SRF: variants seen among roughly 807,000 people sequenced by gnomAD.
SRF encodes serum response factor, also known as c-fos serum response element-binding transcription factor.
A neutral mutation model predicts 37.1 loss-of-function variants in SRF; 7 were observed. The ratio of observed to expected loss-of-function variants is 0.19; its 90% CI spans 0.11 to 0.35. The LOEUF (loss-of-function observed/expected upper bound fraction) is 0.35, where lower values mean the gene tolerates loss of function less well. Ranked by LOEUF, SRF falls within the 10% of genes least tolerant of loss-of-function variation. The pLI, the probability that SRF is intolerant of heterozygous loss-of-function variation, is 1.00. For missense variants in SRF, 395 were observed against 694.4 expected (o/e 0.57, Z 4.85); for synonymous variants, 285 against 310.1 (o/e 0.92, Z 0.85).
rs1322489000 is a variant in SRF at position 43,171,749 on chromosome 6, C to A, written c.93C>A (p.Gly31=). The change falls in exon 1 of 7, where the codon GGC becomes GGA. Residue 31 remains glycine, a synonymous_variant. Coordinates refer to ENST00000265354, the MANE Select transcript of SRF (RefSeq NM_003131.4). The surrounding 1 kb of genome is among the most constrained non-coding windows in gnomAD (Gnocchi z 6.5). ...SLNRTPTGRP[G]GGGGTRGANG... ...ACCGGACCCCGACGGGGCGGCCGGG[C>A]GGCGGCGGCGGGACACGCGGGGCTA... 24 of 1,185,916 alleles carry A rather than the reference C, an allele frequency of 2.0e-5. No individual in the cohort carries two copies. Among genetic ancestry groups the A allele is most frequent in the Admixed American group, 4.5e-5 (1 of 22,172 alleles). 73.5% of individuals were successfully genotyped at this position (1,185,916 alleles called of 1,614,324 possible). A position where few individuals can be genotyped will look rare whatever the true frequency, so the allele number is the denominator to read the frequency against.
rs1460033104 is a variant in SRF at position 43,172,050 on chromosome 6, A to G, written c.394A>G (p.Ser132Gly). The G allele has an allele frequency of 2.5e-6, 4 of 1,606,610 alleles. No individual in the cohort carries two copies. The highest frequency in any genetic ancestry group is 3.4e-6 in the Non-Finnish European group (4 of 1,177,326). Residue 132 changes from serine to glycine, a missense_variant, in exon 1 of 7, where the codon AGC (serine) becomes GGC (glycine). Physicochemically the swap from Ser to Gly is moderately conservative, Grantham distance 56 (BLOSUM62 0). Transcript: ENST00000265354. This position sits in a 1 kb window ranked among gnomAD's most constrained non-coding sequence, Gnocchi z 5.7. ...GGYGPVSGAV[S>G]GAKPGKKTRG... Reference sequence around the variant, plus strand: ...CTACGGGCCGGTGAGCGGCGCGGTGAGCGGGGCCAAGCCGGGTAAGAAGAC... The same window carrying G: ...CTACGGGCCGGTGAGCGGCGCGGTGGGCGGGGCCAAGCCGGGTAAGAAGAC...
At position 43,172,235 on chromosome 6, in the gene SRF, G is replaced by T; in HGVS notation, c.513+66G>T. ...GGGTGGGGATGTGCAAAGGGAGCCC[G>T]GGAGGACCGCAGAGCCGAGGCGGAG... On this transcript the variant is annotated intron_variant, in intron 1 of 6. Coordinates refer to ENST00000265354, the MANE Select transcript of SRF (RefSeq NM_003131.4). This position sits in a 1 kb window ranked among gnomAD's most constrained non-coding sequence, Gnocchi z 5.7. The T allele has an allele frequency of 6.4e-7, 1 of 1,557,662 alleles. No homozygotes were observed.
rs928527305 is a variant in SRF, at chr6:43,178,012, A to G, written c.1163-282A>G. On this transcript the variant is annotated intron_variant, in intron 4 of 6. Transcript: ENST00000265354. This position sits in a 1 kb window ranked among gnomAD's most constrained non-coding sequence, Gnocchi z 4.3. The stretch of plus-strand genomic sequence containing the variant: ...TATCTGAGTTTTCTGAGAGTAGGTC[A>G]GTCATAATCTTTGTTTTTCCCAAGA... 6.6e-6 allele frequency among the ~76,000 whole-genome samples: 1 copy of G among 152,156 alleles called. No homozygotes were observed. Among genetic ancestry groups the G allele is most frequent in the African/African-American group, 2.4e-5 (1 of 41,426 alleles).
Position 43,176,095 on chromosome 6 carries a change from G to C in SRF, c.1042+128G>C. 1 of 1,337,572 alleles carries C rather than the reference G, an allele frequency of 7.5e-7. No individual in the cohort carries two copies. Among genetic ancestry groups the C allele is most frequent in the Non-Finnish European group, 1.0e-6 (1 of 994,166 alleles). 82.9% of individuals were successfully genotyped at this position (1,337,572 alleles called of 1,614,324 possible). ...AGAAGGAAGGTGAATAGGGGCCAGA[G>C]CCTGAGCGAAGCCTCTTATATCCCG... On this transcript the variant is annotated intron_variant, in intron 3 of 6. Transcript: ENST00000265354. This position sits in a 1 kb window ranked among gnomAD's most constrained non-coding sequence, Gnocchi z 4.0.
rs114238645 is a variant in SRF at position 43,173,726 on chromosome 6, G to C, written c.514-121G>C. The C allele has an allele frequency of 9.7e-6, 13 of 1,338,858 alleles. No individual in the cohort carries two copies. In the African/African-American group the frequency reaches 1.6e-4, roughly 17 times the overall value. The allele number at this position is 1,338,858 out of a possible 1,614,324, so 82.9% of individuals were successfully genotyped here. A position where few individuals can be genotyped will look rare whatever the true frequency, so the allele number is the denominator to read the frequency against. On this transcript the variant is annotated intron_variant, in intron 1 of 6. Coordinates refer to ENST00000265354, the MANE Select transcript of SRF (RefSeq NM_003131.4). This position sits in a 1 kb window ranked among gnomAD's most constrained non-coding sequence, Gnocchi z 4.2. ...GGACACCCTGCCCTCAGAGTCATTAGAGACGAAGGTCATTATGGGAATGGG... is the reference window on the plus strand; with the variant it reads ...GGACACCCTGCCCTCAGAGTCATTACAGACGAAGGTCATTATGGGAATGGG...
intron 4 of SRF, among the ~76,000 whole-genome samples, chr6:43,177,166 C>G (rs1422970318): frequency 6.6e-6 from 1 of 151,226 alleles, no homozygotes; most frequent in Non-Finnish European, 1.5e-5. Context: ...CCAGCATTAC[C>G]TGGGAGCTTG....
Position 43,178,554 on chromosome 6 carries a change from T to A in SRF, c.1354+69T>A. ...CTTTATACACACACACACACACACA[T>A]ACACACACATATGCACTGATGCCTA... On this transcript the variant is annotated intron_variant, in intron 5 of 6. Coordinates refer to ENST00000265354, the MANE Select transcript of SRF (RefSeq NM_003131.4). This position sits in a 1 kb window ranked among gnomAD's most constrained non-coding sequence, Gnocchi z 4.3. 10 of 1,273,016 alleles carry A rather than the reference T, an allele frequency of 7.9e-6. No homozygotes were observed. Among genetic ancestry groups the A allele is most frequent in the Non-Finnish European group, 1.0e-5 (9 of 900,938 alleles). The allele number at this position is 1,273,016 out of a possible 1,614,324, so 78.9% of individuals were successfully genotyped here.
Position 43,176,373 on chromosome 6 carries a change from G to A in SRF, c.1043-175G>A, listed in dbSNP as rs1361127958. Among the ~76,000 whole-genome samples the A allele has an allele frequency of 6.6e-6, 1 of 152,180 alleles. No homozygotes were observed. Among genetic ancestry groups the A allele is most frequent in the African/African-American group, 2.4e-5 (1 of 41,450 alleles). ...GAGGAGGGATGGGCAAGAGTAGAGC[G>A]TGGAAGCCCCCAGAGTGGATACTTG... is the stretch of plus-strand genomic sequence containing the variant. On this transcript the variant is annotated intron_variant, in intron 3 of 6. Coordinates refer to ENST00000265354, the MANE Select transcript of SRF (RefSeq NM_003131.4). The surrounding 1 kb of genome is among the most constrained non-coding windows in gnomAD (Gnocchi z 4.0).
At position 43,173,957 on chromosome 6, in the gene SRF, T is replaced by C. The variant is rs1404719143; in HGVS notation, c.624T>C (p.Ser208=). ...GAAAACTGCAGCCCATGATCACCAG[T>C]GAGACCGGCAAGGCACTGATTCAGA... is the stretch of plus-strand genomic sequence containing the variant. The part of the protein sequence containing the change: ...ATRKLQPMIT[S]ETGKALIQTC... Residue 208 remains serine, a synonymous_variant, in exon 2 of 7, where the codon AGT becomes AGC. Coordinates refer to ENST00000265354, the MANE Select transcript of SRF (RefSeq NM_003131.4). This position sits in a 1 kb window ranked among gnomAD's most constrained non-coding sequence, Gnocchi z 4.2. 1 of 1,614,102 alleles carries C rather than the reference T, an allele frequency of 6.2e-7. No individual in the cohort carries two copies. The highest frequency in any genetic ancestry group is 1.1e-5 in the South Asian group (1 of 91,090).
intron 2 of SRF, among the ~76,000 whole-genome samples, chr6:43,175,194 C>G (rs1421081030): frequency 6.6e-6 from 1 of 152,104 alleles, no homozygotes. Context: ...TGAAAGAAAA[C>G]GTAGTAGCCC....
At chr6:43,174,262 T>A (rs1407036488) in intron 2 of SRF, 149 bp downstream of exon 2, 1 of 1,105,970 alleles carries the variant, frequency 9.0e-7, no homozygotes, top group Non-Finnish European at 1.3e-6. Context: ...ATCCTCACTT[T>A]CCTGATAGAA....
At position 43,172,568 on chromosome 6, in the gene SRF, C is replaced by T; in HGVS notation, c.513+399C>T. ...ACGAGGGCGCCGGAAAAGCAGGGAGCAAACGAGAAGGTATGGAGGTGAGGA... is the reference window on the plus strand; with the variant it reads ...ACGAGGGCGCCGGAAAAGCAGGGAGTAAACGAGAAGGTATGGAGGTGAGGA... On this transcript the variant is annotated intron_variant, in intron 1 of 6. Coordinates refer to ENST00000265354, the MANE Select transcript of SRF (RefSeq NM_003131.4). This position sits in a 1 kb window ranked among gnomAD's most constrained non-coding sequence, Gnocchi z 5.7. 3.3e-6 allele frequency: 2 copies of T among 605,440 alleles called. No individual in the cohort carries two copies. The highest frequency in any genetic ancestry group is 4.1e-6 in the Non-Finnish European group (2 of 483,094). The allele number at this position is 605,440 out of a possible 1,614,324, so 37.5% of individuals were successfully genotyped here.
chr6:43,177,716 T>C (rs1259289451), intron 4 of SRF, among the ~76,000 whole-genome samples: 21 of 150,654 alleles, frequency 1.4e-4, no homozygotes, highest in Middle Eastern at 3.4e-3. Flanking sequence ...GAGATTGAGA[T>C]CATCCTGGCT....
Position 43,172,517 on chromosome 6 carries a change from T to G in SRF, c.513+348T>G, listed in dbSNP as rs1289457291. On this transcript the variant is annotated intron_variant, in intron 1 of 6. Transcript: ENST00000265354. This position sits in a 1 kb window ranked among gnomAD's most constrained non-coding sequence, Gnocchi z 5.7. ...GTGGATAATGAGAACCCGGGATCAG[T>G]AGGTCCAGTGCACTCCGGTGTTCGG... is the stretch of plus-strand genomic sequence containing the variant. 1 of 956,370 alleles carries G rather than the reference T, an allele frequency of 1.0e-6. No individual in the cohort carries two copies. Among genetic ancestry groups the G allele is most frequent in the Non-Finnish European group, 1.2e-6 (1 of 803,570 alleles). 59.2% of individuals were successfully genotyped at this position (956,370 alleles called of 1,614,324 possible).
In SRF at chr6:43,181,074, C is replaced by T. The variant is rs555470444; in HGVS notation, c.*1884C>T. ...AACTGCCCAGCCCCTTTTCTCTGCTCTTGTTTCACTCCACCATCACTCACT... is the reference window on the plus strand; with the variant it reads ...AACTGCCCAGCCCCTTTTCTCTGCTTTTGTTTCACTCCACCATCACTCACT... On this transcript the variant is annotated 3_prime_UTR_variant, in exon 7 of 7. Coordinates refer to ENST00000265354, the MANE Select transcript of SRF (RefSeq NM_003131.4). 4 of 152,748 alleles carry T rather than the reference C, an allele frequency of 2.6e-5. No individual in the cohort carries two copies. The highest frequency in any genetic ancestry group is 2.1e-4 in the South Asian group (1 of 4,830). 9.5% of individuals were successfully genotyped at this position (152,748 alleles called of 1,614,324 possible).
At position 43,179,294 on chromosome 6, in the gene SRF, G is replaced by C; in HGVS notation, c.*104G>C. 1 of 1,278,246 alleles carries C rather than the reference G, an allele frequency of 7.8e-7. No homozygotes were observed. Among genetic ancestry groups the C allele is most frequent in the Middle Eastern group, 1.9e-4 (1 of 5,370 alleles). 79.2% of individuals were successfully genotyped at this position (1,278,246 alleles called of 1,614,324 possible). A position where few individuals can be genotyped will look rare whatever the true frequency, so the allele number is the denominator to read the frequency against. Reference sequence around the variant, plus strand: ...ACACGTTGACGGGCCGCAGGAGGGAGGCGGGGAGGAGGAACGGGCAGCCAC... The same window carrying C: ...ACACGTTGACGGGCCGCAGGAGGGACGCGGGGAGGAGGAACGGGCAGCCAC... On this transcript the variant is annotated 3_prime_UTR_variant, in exon 7 of 7. Coordinates refer to ENST00000265354, the MANE Select transcript of SRF (RefSeq NM_003131.4). The surrounding 1 kb of genome is among the most constrained non-coding windows in gnomAD (Gnocchi z 5.3).
In SRF at chr6:43,172,708, AGGAGAACTGGTGCTGCCCTGAGCAGCAG is replaced by A. The variant is rs1561999261; in HGVS notation, c.513+541_513+568del. Among the ~76,000 whole-genome samples the A allele has an allele frequency of 6.6e-6, 1 of 152,018 alleles. No individual in the cohort carries two copies. Among genetic ancestry groups the A allele is most frequent in the Admixed American group, 6.5e-5 (1 of 15,274 alleles). On this transcript the variant is annotated intron_variant, in intron 1 of 6. Transcript: ENST00000265354. This position sits in a 1 kb window ranked among gnomAD's most constrained non-coding sequence, Gnocchi z 5.7. ...TAGGGACCAGGTAAGGGAGCGGGGC[AGGAGAACTGGTGCTGCCCTGAGCAGCAG>A]GAACCTAGTCCTGCGCCGGCCGTGA...
chr6:43,178,956 G>A lies in SRF; in HGVS notation c.1431+74G>A. ...TTGACCTTAGGGGATCCTGTTACCA[G>A]TTCATCAAAGCCAAAATCCCTAGCC... On this transcript the variant is annotated intron_variant, in intron 6 of 6. Coordinates refer to ENST00000265354, the MANE Select transcript of SRF (RefSeq NM_003131.4). This position sits in a 1 kb window ranked among gnomAD's most constrained non-coding sequence, Gnocchi z 4.3. The A allele has an allele frequency of 6.3e-7, 1 of 1,578,828 alleles. No individual in the cohort carries two copies. Among genetic ancestry groups the A allele is most frequent in the Non-Finnish European group, 8.7e-7 (1 of 1,148,024 alleles).
Position 43,175,912 on chromosome 6 carries a change from C to G in SRF, c.987C>G (p.Gly329=), listed in dbSNP as rs200924365. The change falls in exon 3 of 7, where the codon GGC becomes GGG. Residue 329 remains glycine (G), a synonymous_variant. Transcript: ENST00000265354. The stretch of plus-strand genomic sequence containing the variant: ...CTGTGCTGAAGAGTACAGGCAGCGG[C>G]CCTGTCTCCTCTGGGGGCCTTATGC... ...NGTVLKSTGS[G]PVSSGGLMQL... 1.7e-5 allele frequency: 28 copies of G among 1,614,042 alleles called. No homozygotes were observed. Among genetic ancestry groups the G allele is most frequent in the Non-Finnish European group, 2.3e-5 (27 of 1,180,032 alleles).
Sources: allele counts gnomAD v4.1 joint callset (sites outside exome capture counted in the v4.1 genomes callset), GRCh38; gene constraint gnomAD v4.1.1; non-coding constraint Gnocchi (gnomAD v3.1); transcripts MANE v1.5; gene names NCBI Gene and HGNC (gene_info 2026-07-23, HGNC 2026-07-21).